The following TFDP1 variants were observed in gnomAD, a reference collection of about 807,000 sequenced individuals.
TFDP1 encodes transcription factor Dp-1.
Under a neutral mutation model 48.0 loss-of-function variants are expected in TFDP1, and 6 were observed. The observed-to-expected ratio is 0.13, with a 90% CI of 0.07 to 0.25. The LOEUF (loss-of-function observed/expected upper bound fraction) is 0.25. Ranked by LOEUF, TFDP1 falls within the 10% of genes least tolerant of loss-of-function variation. The probability of loss-of-function intolerance (pLI) is 1.00; values close to 1 mark genes in which losing one functional copy is unlikely to be tolerated. For missense variants in TFDP1, 335 were observed against 543.0 expected (o/e 0.62, Z 3.81); for synonymous variants, 201 against 211.6 (o/e 0.95, Z 0.44).
chr13:113,638,995 G>A (rs1029132005), intron 11 of TFDP1, among the ~76,000 whole-genome samples: 3 of 152,114 alleles, frequency 2.0e-5, no homozygotes, highest in East Asian at 1.9e-4. Flanking sequence ...CAGGTGTGTC[G>A]GGCACGTGTA....
chr13:113,600,659 A>C (rs9577586), intron 2 of TFDP1, among the ~76,000 whole-genome samples: 1 of 127,150 alleles, frequency 7.9e-6, no homozygotes, highest in Non-Finnish European at 1.6e-5. Context: ...TTACACGTAG[A>C]GCTCCAGGAC....
chr13:113,621,843 G>T (rs958198897), intron 3 of TFDP1, among the ~76,000 whole-genome samples: 7 of 152,226 alleles, frequency 4.6e-5, no homozygotes, highest in Non-Finnish European at 8.8e-5. Context: ...CCTGACATGA[G>T]TCAGGCTCGC....
intron 8 of TFDP1, among the ~76,000 whole-genome samples, chr13:113,634,904 C>T: frequency 6.6e-6 from 1 of 151,460 alleles, no homozygotes; most frequent in South Asian, 2.1e-4. Flanking sequence ...CGTGCATGTG[C>T]CTGTGTGCGT....
At chr13:113,631,540 G>A in intron 4 of TFDP1, 83 bp from the exon 5 acceptor site, 1 of 1,502,664 alleles carries the variant, frequency 6.7e-7, no homozygotes. Flanking sequence ...AGCAGTGGCT[G>A]CGGATAGCGA....
intron 2 of TFDP1, among the ~76,000 whole-genome samples, chr13:113,605,153 G>T (rs970066267): frequency 6.6e-6 from 1 of 151,886 alleles, no homozygotes; most frequent in Non-Finnish European, 1.5e-5. Context: ...GGGGCGGGGG[G>T]GCGTCATAAC....
At chr13:113,626,333 C>G (rs1426806416) in intron 4 of TFDP1, among the ~76,000 whole-genome samples, 15 of 152,158 alleles carry the variant, frequency 9.9e-5, no homozygotes, top group African/African-American at 3.6e-4. Context: ...GCACTTTAGT[C>G]TTTATTTTAT....
chr13:113,638,290 G>A (rs1325423057), intron 11 of TFDP1, among the ~76,000 whole-genome samples: 4 of 147,092 alleles, frequency 2.7e-5, no homozygotes, highest in African/African-American at 1.0e-4. Flanking sequence ...CGGTCTGGGC[G>A]CAAGTAGTTT....
rs2049053671 is a variant in TFDP1 at position 113,623,809 on chromosome 13, T to A, written c.186+523T>A. Reference sequence around the variant, plus strand: ...AAGGTGGGCATTGGGAAGTGGCGCATCCCCCCTCCCCAGGCTGATGCTGGC... The same window carrying A: ...AAGGTGGGCATTGGGAAGTGGCGCAACCCCCCTCCCCAGGCTGATGCTGGC... On this transcript the variant is annotated intron_variant, in intron 4 of 11. Coordinates refer to ENST00000375370, the MANE Select transcript of TFDP1 (RefSeq NM_007111.5). This position sits in a 1 kb window ranked among gnomAD's most constrained non-coding sequence, Gnocchi z 5.2. Among the ~76,000 whole-genome samples the A allele has an allele frequency of 6.6e-6, 1 of 151,976 alleles. No homozygotes were observed. Among genetic ancestry groups the A allele is most frequent in the Non-Finnish European group, 1.5e-5 (1 of 67,974 alleles).
intron 4 of TFDP1, among the ~76,000 whole-genome samples, chr13:113,625,551 C>T (rs1566666936): frequency 9.9e-6 from 1 of 101,162 alleles, no homozygotes; most frequent in Non-Finnish European, 2.0e-5. Flanking sequence ...TCTCACGTGT[C>T]CTCAGGTGTC....
intron 9 of TFDP1, 35 bp downstream of exon 9, chr13:113,636,163 C>T: frequency 6.2e-7 from 1 of 1,609,082 alleles, no homozygotes; most frequent in South Asian, 1.1e-5. Context: ...CCCTGGTCAC[C>T]CATCTCTTTT....
chr13:113,586,220 A>C (rs1472988054), intron 2 of TFDP1: 1 of 173,842 alleles, frequency 5.8e-6, no homozygotes. Flanking sequence ...GGGCTTCCAC[A>C]TGAGACGCTG....
At chr13:113,591,858 C>T (rs918436613) in intron 2 of TFDP1, among the ~76,000 whole-genome samples, 4 of 152,182 alleles carry the variant, frequency 2.6e-5, no homozygotes, top group South Asian at 4.1e-4. Flanking sequence ...ACCCCTCATC[C>T]CCCAGGTGTC....
intron 3 of TFDP1, among the ~76,000 whole-genome samples, chr13:113,619,386 G>A (rs776981421): frequency 1.3e-4 from 19 of 151,564 alleles, no homozygotes; most frequent in Non-Finnish European, 2.5e-4. Context: ...CAGGGGAATC[G>A]CTGGAACGCG....
At position 113,584,862 on chromosome 13, in the gene TFDP1, G is replaced by C. The variant is rs2140237834; in HGVS notation, c.-91G>C. ...CGCACCGCGCCCTCTCCGCGTCCCCGCCCGCGCGGCCGGACCGGGCAGCCA... is the reference window on the plus strand; with the variant it reads ...CGCACCGCGCCCTCTCCGCGTCCCCCCCCGCGCGGCCGGACCGGGCAGCCA... On this transcript the variant is annotated 5_prime_UTR_variant, in exon 1 of 12. Transcript: ENST00000375370. 6.8e-6 allele frequency: 1 copy of C among 146,310 alleles called. No homozygotes were observed. The highest frequency in any genetic ancestry group is 2.4e-5 in the African/African-American group (1 of 40,908). 9.1% of individuals were successfully genotyped at this position (146,310 alleles called of 1,614,324 possible).
At chr13:113,635,292 C>T (rs1156552075) in intron 8 of TFDP1, among the ~76,000 whole-genome samples, 1 of 152,180 alleles carries the variant, frequency 6.6e-6, no homozygotes, top group African/African-American at 2.4e-5. Flanking sequence ...GACGGTGTGG[C>T]AGCCGTGGTG....
intron 4 of TFDP1, among the ~76,000 whole-genome samples, chr13:113,628,722 G>C (rs1213009270): frequency 6.6e-6 from 1 of 152,110 alleles, no homozygotes; most frequent in African/African-American, 2.4e-5. Context: ...TTTTCCCTAG[G>C]GGCCCAGCTC....
chr13:113,617,528 C>CCTG (rs2048890038), intron 3 of TFDP1, among the ~76,000 whole-genome samples: 1 of 151,120 alleles, frequency 6.6e-6, no homozygotes, highest in Non-Finnish European at 1.5e-5. Context: ...ACCTGCAGAA[C>CCTG]CATTCACCTG....
Position 113,631,957 on chromosome 13 carries a change from C to T in TFDP1, c.308+213C>T, listed in dbSNP as rs143816393. On this transcript the variant is annotated intron_variant, in intron 5 of 11. Transcript: ENST00000375370. ...GTCATGGAGAAGTCGGGCTGGGCAC[C>T]GCCCACCCCGCTTTGTGTCTGGTGT... 9.1e-4 allele frequency: 541 copies of T among 597,514 alleles called. 3 individuals are homozygous for T. In the African/African-American group the frequency reaches 9.3e-3, roughly 10 times the overall value. 37.0% of individuals were successfully genotyped at this position (597,514 alleles called of 1,614,324 possible).
chr13:113,608,432 G>C (rs907933107), intron 2 of TFDP1, among the ~76,000 whole-genome samples: 1 of 152,316 alleles, frequency 6.6e-6, no homozygotes, highest in Admixed American at 6.5e-5. Context: ...TGGCTGTGCA[G>C]GCGGGAGGGC....
Sources: gnomAD v4.1 joint callset for allele counts (sites outside exome capture counted in the v4.1 genomes callset) on GRCh38, gnomAD v4.1.1 for gene constraint, Gnocchi (gnomAD v3.1) non-coding constraint, MANE v1.5 for transcripts, NCBI Gene and HGNC (gene_info 2026-07-23, HGNC 2026-07-21) for gene names.